Variants in UBP1 observed in about 807,000 individuals in gnomAD.
The protein encoded by UBP1 is upstream-binding protein 1.
A neutral mutation model predicts 76.1 loss-of-function variants in UBP1; 22 were observed. That is an observed-to-expected ratio of 0.29 (90% CI 0.21 to 0.41). UBP1 has a LOEUF of 0.41. Ranked by LOEUF, UBP1 falls within the 10% of genes least tolerant of loss-of-function variation. The probability of loss-of-function intolerance (pLI) is 1.00; values close to 1 mark genes in which losing one functional copy is unlikely to be tolerated. For synonymous variants in UBP1, 224 were observed against 237.1 expected, an observed-to-expected ratio of 0.94 and a Z score of 0.51; for missense variants, 436 against 668.1, an observed-to-expected ratio of 0.65 and a Z score of 3.83.
chr3:33,399,212 C>T (rs1414483978), intron 11 of UBP1, among the ~76,000 whole-genome samples: 5 of 152,164 alleles, frequency 3.3e-5, no homozygotes. Context: ...GGATGTTTGG[C>T]CAGGCCATGT....
chr3:33,429,645 G>C (rs1234256497), intron 1 of UBP1, among the ~76,000 whole-genome samples: 2 of 152,070 alleles, frequency 1.3e-5, no homozygotes, highest in Non-Finnish European at 1.5e-5. Flanking sequence ...ATGCATTTTA[G>C]AAGGCAAAAC....
intron 8 of UBP1, chr3:33,403,471 C>G (rs2044306990): frequency 6.8e-6 from 1 of 147,122 alleles, no homozygotes; most frequent in Non-Finnish European, 1.4e-5. Flanking sequence ...CAACTGTGTA[C>G]AGTACTACAT....
intron 2 of UBP1, among the ~76,000 whole-genome samples, chr3:33,422,882 A>AT (rs2044935778): frequency 6.6e-6 from 1 of 152,186 alleles, no homozygotes; most frequent in Non-Finnish European, 1.5e-5. Context: ...TTTTGGGTTT[A>AT]AAACTTTTTG....
Position 33,389,511 on chromosome 3 carries a change from G to GA in UBP1, c.*819dup, listed in dbSNP as rs1053875908. The GA allele has an allele frequency of 4.6e-5, 7 of 151,944 alleles. No individual in the cohort carries two copies. The highest frequency in any genetic ancestry group is 1.0e-4 in the Non-Finnish European group (7 of 68,002). The allele number at this position is 151,944 out of a possible 1,614,324, so 9.4% of individuals were successfully genotyped here. A position where few individuals can be genotyped will look rare whatever the true frequency, so the allele number is the denominator to read the frequency against. Reference sequence around the variant, plus strand: ...GTGGGGGTGGTCAGAGATGGAGGGAGAGAGGGAAGAAAATGAGAGAAAAAC... The same window carrying GA: ...GTGGGGGTGGTCAGAGATGGAGGGAGAAGAGGGAAGAAAATGAGAGAAAAAC... On this transcript the variant is annotated 3_prime_UTR_variant, in exon 16 of 16. Transcript: ENST00000283629.
chr3:33,395,183 T>C (rs1195203270), intron 13 of UBP1, among the ~76,000 whole-genome samples: 1 of 152,226 alleles, frequency 6.6e-6, no homozygotes, highest in African/African-American at 2.4e-5. Context: ...TCAGAGCTTT[T>C]GAAGTCAAAA....
At chr3:33,434,446 C>G (rs762415057) in intron 1 of UBP1, among the ~76,000 whole-genome samples, 1 of 151,228 alleles carries the variant, frequency 6.6e-6, no homozygotes, top group East Asian at 2.0e-4. Context: ...TACACGCATG[C>G]GCTACCATGC....
chr3:33,403,123 C>T (rs886968805), intron 8 of UBP1: 1 of 474,772 alleles, frequency 2.1e-6, no homozygotes, highest in Non-Finnish European at 3.8e-6. Context: ...TTAGAGAAGA[C>T]CTAAAGTGAT....
chr3:33,439,666 CAG>C (rs1575496371), intron 1 of UBP1, 68 bp downstream of exon 1: 3 of 1,532,532 alleles, frequency 2.0e-6, no homozygotes, highest in Non-Finnish European at 1.8e-6. Context: ...CCGCATCTGG[CAG>C]AGACTCAGGG....
chr3:33,434,541 C>A (rs1236869905), intron 1 of UBP1, among the ~76,000 whole-genome samples: 1 of 151,592 alleles, frequency 6.6e-6, no homozygotes, highest in African/African-American at 2.4e-5. Context: ...CCTGCCTCAG[C>A]CTCCCAAAGT....
At chr3:33,428,590 A>G (rs1254553380) in intron 1 of UBP1, among the ~76,000 whole-genome samples, 1 of 151,654 alleles carries the variant, frequency 6.6e-6, no homozygotes, top group Non-Finnish European at 1.5e-5. Context: ...TACTATGCTC[A>G]TGGTAAGTGC....
chr3:33,436,338 T>G (rs373123859), intron 1 of UBP1, among the ~76,000 whole-genome samples: 72 of 152,320 alleles, frequency 4.7e-4, no homozygotes, highest in African/African-American at 1.7e-3. Flanking sequence ...TACAATAGAT[T>G]TCTTAAATAA....
At chr3:33,394,726 TG>T (rs1382682462) in intron 13 of UBP1, among the ~76,000 whole-genome samples, 1 of 151,644 alleles carries the variant, frequency 6.6e-6, no homozygotes, top group Non-Finnish European at 1.5e-5. Context: ...TAAAAGAAGC[TG>T]GAACTAAAAT....
At chr3:33,426,085 T>C (rs910987232) in intron 1 of UBP1, among the ~76,000 whole-genome samples, 1 of 144,626 alleles carries the variant, frequency 6.9e-6, no homozygotes. Flanking sequence ...AGATTCTTTC[T>C]ATAAAAAAAA....
intron 14 of UBP1, 104 bp downstream of exon 14, chr3:33,393,208 A>C (rs538414375): frequency 8.4e-7 from 1 of 1,191,242 alleles, no homozygotes; most frequent in East Asian, 2.7e-5. Flanking sequence ...AATGATTCTC[A>C]TAAGTATTTT....
At chr3:33,412,567 G>T (rs1204336632) in intron 4 of UBP1, among the ~76,000 whole-genome samples, 155 bp downstream of exon 4, 1 of 140,480 alleles carries the variant, frequency 7.1e-6, no homozygotes, top group Non-Finnish European at 1.5e-5. Flanking sequence ...GGGCGAGAGA[G>T]CAAGGCTCTG....
Position 33,409,314 on chromosome 3 carries a change from G to A in UBP1, c.741C>T (p.Asp247=). ...CTGTTCTCTTCTCCATCTTCTCTCGGTCAGTTTTTTGTTTCCTGTCTGCAC... is the reference window on the plus strand; with the variant it reads ...CTGTTCTCTTCTCCATCTTCTCTCGATCAGTTTTTTGTTTCCTGTCTGCAC... ...PKGADRKQKT[D]REKMEKRTAH... is the part of the protein sequence containing the mutation. The change falls in exon 7 of 16, where the codon GAC becomes GAT. Residue 247 remains aspartate (D), a synonymous_variant. Transcript: ENST00000283629. 1 of 1,614,024 alleles carries A rather than the reference G, an allele frequency of 6.2e-7. No individual in the cohort carries two copies. Among genetic ancestry groups the A allele is most frequent in the Admixed American group, 1.7e-5 (1 of 60,020 alleles).
chr3:33,396,780 C>G, intron 12 of UBP1: 1 of 626,668 alleles, frequency 1.6e-6, no homozygotes, highest in Non-Finnish European at 3.0e-6. Context: ...GCAACAAACC[C>G]AGTCGTCTTC....
At chr3:33,390,597 C>T (rs967439063) in intron 15 of UBP1, 1 of 580,888 alleles carries the variant, frequency 1.7e-6, no homozygotes, top group African/African-American at 1.9e-5. Flanking sequence ...CTATCAACGC[C>T]CGCATTCCAA....
intron 2 of UBP1, among the ~76,000 whole-genome samples, chr3:33,423,808 G>A (rs1198429941): frequency 6.6e-6 from 1 of 152,202 alleles, no homozygotes; most frequent in South Asian, 2.1e-4. Flanking sequence ...GTTAACACAT[G>A]TATTTAGTAC....
Sources: gnomAD v4.1 joint callset for allele counts (sites outside exome capture counted in the v4.1 genomes callset) on GRCh38, gnomAD v4.1.1 for gene constraint, MANE v1.5 for transcripts, NCBI Gene and HGNC (gene_info 2026-07-23, HGNC 2026-07-21) for gene names.